SIPA1L1: variants seen among roughly 807,000 people sequenced by gnomAD.
SIPA1L1 encodes signal induced proliferation associated 1 like 1.
In SIPA1L1, 26 loss-of-function variants were observed where a neutral mutation model predicts 162.7. The observed-to-expected ratio is 0.16, with a 90% CI of 0.12 to 0.22. The LOEUF is 0.22. Ranked by LOEUF, SIPA1L1 falls within the 10% of genes least tolerant of loss-of-function variation. The probability of loss-of-function intolerance (pLI) is 1.00; values close to 1 mark genes in which losing one functional copy is unlikely to be tolerated. For missense variants in SIPA1L1, 1,874 were observed against 2,241.0 expected, an observed-to-expected ratio of 0.84 and a Z score of 3.31; for synonymous variants, 829 against 837.4, an observed-to-expected ratio of 0.99 and a Z score of 0.17.
intron 5 of SIPA1L1, among the ~76,000 whole-genome samples, chr14:71,602,452 T>C (rs553802727): frequency 6.6e-6 from 1 of 152,368 alleles, no homozygotes; most frequent in African/African-American, 2.4e-5. Context: ...TTTAAAGTTT[T>C]GTTGAGACTT....
intron 4 of SIPA1L1, among the ~76,000 whole-genome samples, chr14:71,564,571 T>C (rs2029930864): frequency 6.9e-6 from 1 of 144,906 alleles, no homozygotes; most frequent in South Asian, 2.2e-4. Flanking sequence ...CTGCAACCTC[T>C]GCCTCCCAGG....
rs117502179 is a variant in SIPA1L1, at chr14:71,340,124, G to C, written c.-465+18943G>C. Among the ~76,000 whole-genome samples, 48 of 152,292 alleles carry C rather than the reference G, an allele frequency of 3.2e-4. 3 individuals carry two copies. The East Asian group carries it at 9.3e-3, about 29-fold the overall frequency. On this transcript the variant is annotated intron_variant, in intron 2 of 23. Transcript: ENST00000381232. ...TTCGTTTTAAACACTATGCTGTACT[G>C]ATAATAAAAGATTTTCATCTGTTTC...
chr14:71,590,692 A>G (rs1428276755), intron 5 of SIPA1L1, among the ~76,000 whole-genome samples: 1 of 152,154 alleles, frequency 6.6e-6, no homozygotes, highest in Non-Finnish European at 1.5e-5. Context: ...TTAAACATTT[A>G]TCTTCTCAGA....
intron 5 of SIPA1L1, among the ~76,000 whole-genome samples, chr14:71,605,745 G>A (rs907734307): frequency 1.3e-5 from 2 of 152,172 alleles, no homozygotes; most frequent in South Asian, 2.1e-4. Flanking sequence ...GCCAATCGTC[G>A]AGTCCAGTGG....
chr14:71,658,851 T>C (rs1188987106), intron 9 of SIPA1L1, among the ~76,000 whole-genome samples: 1 of 152,236 alleles, frequency 6.6e-6, no homozygotes, highest in African/African-American at 2.4e-5. Context: ...AGATATAAAA[T>C]ACTAACTTGG....
chr14:71,562,190 G>C (rs757387688), intron 4 of SIPA1L1, among the ~76,000 whole-genome samples: 8 of 151,652 alleles, frequency 5.3e-5, no homozygotes, highest in Non-Finnish European at 7.4e-5. Context: ...ACTATGGTCA[G>C]TATAACAAGT....
At chr14:71,502,255 A>ATATATATATATATATATATATAT (rs1555440997) in intron 2 of SIPA1L1, among the ~76,000 whole-genome samples, 3 of 97,550 alleles carry the variant, frequency 3.1e-5, no homozygotes, top group African/African-American at 1.4e-4. Flanking sequence ...AAAAAAAAAA[A>ATATATATATATATATATATATAT]ATATATATAT....
intron 4 of SIPA1L1, among the ~76,000 whole-genome samples, chr14:71,571,970 A>T (rs2032154556): frequency 6.6e-6 from 1 of 152,038 alleles, no homozygotes; most frequent in African/African-American, 2.4e-5. Flanking sequence ...TTATTTTTAA[A>T]AAGAATTTAT....
rs2042636621 is a variant in SIPA1L1, at chr14:71,414,739, G to GTA, written c.-465+93561_-465+93562dup. ...ATCTTGTTAACTCTAATGCATTGGT[G>GTA]TATAGTTTGGGGTGCCAGGCTTTTC... On this transcript the variant is annotated intron_variant, in intron 2 of 23. Coordinates refer to ENST00000381232, the MANE Select transcript of SIPA1L1 (RefSeq NM_001386936.1). 2.6e-5 allele frequency among the ~76,000 whole-genome samples: 4 copies of GTA among 152,328 alleles called. No homozygotes were observed. The South Asian group carries it at 8.3e-4, about 32-fold the overall frequency.
At chr14:71,454,952 C>A (rs987617760) in intron 2 of SIPA1L1, among the ~76,000 whole-genome samples, 1 of 152,182 alleles carries the variant, frequency 6.6e-6, no homozygotes, top group South Asian at 2.1e-4. Flanking sequence ...TTTACACTTT[C>A]ACGGATACTG....
At chr14:71,703,276 A>C (rs1184759825) in intron 15 of SIPA1L1, among the ~76,000 whole-genome samples, 1 of 152,210 alleles carries the variant, frequency 6.6e-6, no homozygotes, top group Non-Finnish European at 1.5e-5. Context: ...GCATCAGTGT[A>C]GGATAAAAAG....
intron 2 of SIPA1L1, among the ~76,000 whole-genome samples, chr14:71,500,694 A>G (rs562237367): frequency 6.6e-6 from 1 of 152,344 alleles, no homozygotes; most frequent in South Asian, 2.1e-4. Flanking sequence ...AAACTAGAAT[A>G]GAACAAAATG....
intron 2 of SIPA1L1, among the ~76,000 whole-genome samples, chr14:71,464,595 C>T (rs1204232036): frequency 1.3e-5 from 2 of 152,086 alleles, no homozygotes; most frequent in African/African-American, 4.8e-5. Context: ...GAGCCCAAAT[C>T]ATGCCACTGC....
chr14:71,519,103 A>G (rs1326163118), intron 3 of SIPA1L1, among the ~76,000 whole-genome samples: 1 of 152,116 alleles, frequency 6.6e-6, no homozygotes, highest in African/African-American at 2.4e-5. Flanking sequence ...CAGTGGGGAC[A>G]CAGTCAAACC....
At chr14:71,347,676 A>C (rs1357491814) in intron 2 of SIPA1L1, among the ~76,000 whole-genome samples, 1 of 152,180 alleles carries the variant, frequency 6.6e-6, no homozygotes, top group African/African-American at 2.4e-5. Flanking sequence ...AACACTTGTT[A>C]CTGTATGGCT....
At chr14:71,441,173 G>C (rs1222609828) in intron 2 of SIPA1L1, among the ~76,000 whole-genome samples, 1 of 152,196 alleles carries the variant, frequency 6.6e-6, no homozygotes, top group Admixed American at 6.5e-5. Flanking sequence ...GGTGTTGTCT[G>C]TTTGAATAAT....
chr14:71,404,416 C>T (rs1011789152), intron 2 of SIPA1L1, among the ~76,000 whole-genome samples: 7 of 152,032 alleles, frequency 4.6e-5, no homozygotes, highest in East Asian at 1.9e-4. Flanking sequence ...TGATGGCAGG[C>T]GCCTGTAATC....
At chr14:71,569,036 T>C (rs537043096) in intron 4 of SIPA1L1, among the ~76,000 whole-genome samples, 1 of 152,214 alleles carries the variant, frequency 6.6e-6, no homozygotes, top group Non-Finnish European at 1.5e-5. Flanking sequence ...ATCAATAGTT[T>C]TCAGTTTTAT....
chr14:71,599,167 T>TTA (rs2036418004), intron 5 of SIPA1L1, among the ~76,000 whole-genome samples: 1 of 148,870 alleles, frequency 6.7e-6, no homozygotes, highest in Admixed American at 6.7e-5. Flanking sequence ...TTTTTTTTTT[T>TTA]GAGATGGAGT....
Sources: gnomAD v4.1 joint callset for allele counts (sites outside exome capture counted in the v4.1 genomes callset) on GRCh38, gnomAD v4.1.1 for gene constraint, MANE v1.5 for transcripts, NCBI Gene and HGNC (gene_info 2026-07-23, HGNC 2026-07-21) for gene names.